CSMD1: variants seen among roughly 807,000 people sequenced by gnomAD.
The protein encoded by CSMD1 is CUB and sushi domain-containing protein 1.
In CSMD1, 213 loss-of-function variants were observed where a neutral mutation model predicts 417.5. The observed-to-expected ratio is 0.51, with a 90% confidence interval of 0.46 to 0.57. The LOEUF is 0.57. Among genes scored for constraint, CSMD1 ranks in the 20% least tolerant of loss-of-function variants. CSMD1 has a pLI of 0.00. For synonymous variants in CSMD1, 2,862 were observed against 1,736.8 expected (o/e 1.65, Z -16.11); for missense variants, 6,923 against 4,529.7 (o/e 1.53, Z -15.17).
chr8:4,816,116 G>C (rs1799192321), intron 1 of CSMD1, among the ~76,000 whole-genome samples: 1 of 152,286 alleles, frequency 6.6e-6, no homozygotes, highest in African/African-American at 2.4e-5. Context: ...GCTGATCACA[G>C]AGCATCAGAC....
At chr8:4,094,354 A>G (rs1327456007) in intron 3 of CSMD1, among the ~76,000 whole-genome samples, 2 of 152,116 alleles carry the variant, frequency 1.3e-5, no homozygotes, top group Non-Finnish European at 2.9e-5. Context: ...AGCTGGACTC[A>G]TGGGTAACAG....
chr8:4,160,340 C>T (rs1054028914), intron 3 of CSMD1, among the ~76,000 whole-genome samples: 2 of 152,042 alleles, frequency 1.3e-5, no homozygotes, highest in Non-Finnish European at 2.9e-5. Flanking sequence ...TGATTGAAAA[C>T]CATTTTTTGT....
At chr8:3,132,581 C>T (rs1001731915) in intron 41 of CSMD1, among the ~76,000 whole-genome samples, 2 of 152,046 alleles carry the variant, frequency 1.3e-5, no homozygotes, top group Admixed American at 1.3e-4. Flanking sequence ...CTCTAGAAGA[C>T]CAGAATATGC....
chr8:3,468,993 A>G (rs1043824115), intron 11 of CSMD1, 169 bp from the exon 12 acceptor site: 1 of 463,186 alleles, frequency 2.2e-6, no homozygotes, highest in African/African-American at 2.0e-5. Flanking sequence ...ATATTCAAAC[A>G]TCACTATCAC....
At chr8:3,821,936 G>GT (rs1372514442) in intron 5 of CSMD1, among the ~76,000 whole-genome samples, 1 of 152,126 alleles carries the variant, frequency 6.6e-6, no homozygotes, top group African/African-American at 2.4e-5. Flanking sequence ...ACATGGAGAG[G>GT]TTTTCCTACA....
At chr8:3,955,996 T>C (rs1467599016) in intron 5 of CSMD1, among the ~76,000 whole-genome samples, 1 of 152,190 alleles carries the variant, frequency 6.6e-6, no homozygotes, top group Non-Finnish European at 1.5e-5. Context: ...GGTTTCACCA[T>C]ATTGGCCAGG....
chr8:4,371,086 G>A (rs1802368532), intron 3 of CSMD1, among the ~76,000 whole-genome samples: 2 of 152,160 alleles, frequency 1.3e-5, no homozygotes, highest in Admixed American at 1.3e-4. Flanking sequence ...CTGTTCTTTA[G>A]ATGGGGCATT....
chr8:3,441,306 G>T (rs186520130), intron 12 of CSMD1, among the ~76,000 whole-genome samples: 3 of 152,022 alleles, frequency 2.0e-5, no homozygotes, highest in Admixed American at 2.0e-4. Flanking sequence ...ATTTGTGGTG[G>T]TTAGTTTCCT....
intron 3 of CSMD1, among the ~76,000 whole-genome samples, chr8:4,365,561 C>T (rs1802021939): frequency 6.6e-6 from 1 of 152,122 alleles, no homozygotes; most frequent in Non-Finnish European, 1.5e-5. Flanking sequence ...TATGATTGTG[C>T]CTCTTATTGA....
intron 2 of CSMD1, among the ~76,000 whole-genome samples, chr8:4,578,831 A>T (rs554628540): frequency 6.8e-6 from 1 of 146,018 alleles, no homozygotes; most frequent in South Asian, 2.2e-4. Flanking sequence ...AAAAAAAAAC[A>T]AACCTATCTT....
intron 4 of CSMD1, among the ~76,000 whole-genome samples, chr8:4,022,469 T>G (rs751946203): frequency 6.6e-6 from 1 of 152,156 alleles, no homozygotes; most frequent in African/African-American, 2.4e-5. Flanking sequence ...ATTTGCAGCC[T>G]TGCTCAGGTT....
intron 5 of CSMD1, among the ~76,000 whole-genome samples, chr8:3,777,189 C>T (rs1476051759): frequency 6.6e-6 from 1 of 151,134 alleles, no homozygotes; most frequent in Non-Finnish European, 1.5e-5. Flanking sequence ...GTGTCTGTTA[C>T]TTGTTATATT....
At chr8:4,717,980 T>A (rs139092385) in intron 1 of CSMD1, among the ~76,000 whole-genome samples, 2 of 152,176 alleles carry the variant, frequency 1.3e-5, no homozygotes, top group Non-Finnish European at 2.9e-5. Flanking sequence ...ACTTATTTTA[T>A]TTTATTATTT....
At chr8:4,792,479 T>C (rs1008307198) in intron 1 of CSMD1, among the ~76,000 whole-genome samples, 32 of 152,292 alleles carry the variant, frequency 2.1e-4, no homozygotes, top group African/African-American at 7.7e-4. Flanking sequence ...ATATTCTTCA[T>C]TTTCTATTCC....
chr8:3,204,285 T>G, intron 31 of CSMD1, among the ~76,000 whole-genome samples: 1 of 152,152 alleles, frequency 6.6e-6, no homozygotes, highest in East Asian at 1.9e-4. Flanking sequence ...TGTATTTAAC[T>G]AAAATCATAG....
At chr8:4,894,566 A>AAAC (rs113291561) in intron 1 of CSMD1, among the ~76,000 whole-genome samples, 1 of 150,032 alleles carries the variant, frequency 6.7e-6, no homozygotes, top group Non-Finnish European at 1.5e-5. Context: ...AAAGAAAAAA[A>AAAC]AAAAAAAAAG....
chr8:4,128,797 A>T (rs932764691), intron 3 of CSMD1, among the ~76,000 whole-genome samples: 1 of 152,094 alleles, frequency 6.6e-6, no homozygotes, highest in East Asian at 1.9e-4. Flanking sequence ...CTGGATACTT[A>T]TATCCTAGTG....
intron 5 of CSMD1, among the ~76,000 whole-genome samples, chr8:3,981,203 G>C (rs1478188040): frequency 6.6e-6 from 1 of 152,180 alleles, no homozygotes; most frequent in Non-Finnish European, 1.5e-5. Flanking sequence ...GTTTTCTTCA[G>C]TAAAGAACAT....
At chr8:4,077,208 T>C (rs1799864337) in intron 3 of CSMD1, among the ~76,000 whole-genome samples, 1 of 150,456 alleles carries the variant, frequency 6.6e-6, no homozygotes, top group African/African-American at 2.4e-5. Flanking sequence ...TAAATCCAGA[T>C]GAGAGCTCTG....
Sources: gnomAD v4.1 joint callset for allele counts (sites outside exome capture counted in the v4.1 genomes callset) on GRCh38, gnomAD v4.1.1 for gene constraint, MANE v1.5 for transcripts, NCBI Gene and HGNC (gene_info 2026-07-23, HGNC 2026-07-21) for gene names.